ZNF410: variants seen among roughly 807,000 people sequenced by gnomAD.
ZNF410 encodes zinc finger protein 410.
ZNF410 carries 18 observed loss-of-function variants against 54.8 expected under a neutral mutation model. The observed-to-expected ratio is 0.33, with a 90% CI of 0.23 to 0.49. ZNF410 has a LOEUF of 0.49. Ranked by LOEUF, ZNF410 falls within the 20% of genes least tolerant of loss-of-function variation. The pLI is 0.99. For missense variants in ZNF410, 405 were observed against 569.6 expected (o/e 0.71, Z 2.94); for synonymous variants, 191 against 207.3 (o/e 0.92, Z 0.68).
chr14:73,926,807 T>C (rs572657392), intron 11 of ZNF410, among the ~76,000 whole-genome samples: 29 of 152,314 alleles, frequency 1.9e-4, no homozygotes, highest in Non-Finnish European at 3.7e-4. Context: ...TTTGTTAATA[T>C]TAATTTCTCT....
chr14:73,910,699 G>A (rs2055561949), intron 8 of ZNF410, among the ~76,000 whole-genome samples: 2 of 148,980 alleles, frequency 1.3e-5, no homozygotes, highest in Non-Finnish European at 3.0e-5. Flanking sequence ...GTTGCAATGA[G>A]CTGAGATTGC....
At chr14:73,910,822 ACTGCACTGC>A in intron 8 of ZNF410, among the ~76,000 whole-genome samples, 1 of 141,492 alleles carries the variant, frequency 7.1e-6, no homozygotes, top group African/African-American at 2.9e-5. Flanking sequence ...TGATTGCGCC[ACTGCACTGC>A]AGCCTGGGTG....
chr14:73,913,854 G>GT (rs1233918019), intron 8 of ZNF410: 1 of 152,104 alleles, frequency 6.6e-6, no homozygotes, highest in African/African-American at 2.4e-5. Context: ...GCCTCAAGTG[G>GT]TATTCCCACC....
In ZNF410 at chr14:73,924,178, G is replaced by C. The variant is rs114225473; in HGVS notation, c.1398+656G>C. On this transcript the variant is annotated intron_variant, in intron 11 of 11. Transcript: ENST00000555044. ...CTTTTTGGCACCAGGGACCGGTTTCGTTTCACCTCAGGTCATCAGGCATTA... is the reference window on the plus strand; with the variant it reads ...CTTTTTGGCACCAGGGACCGGTTTCCTTTCACCTCAGGTCATCAGGCATTA... Among the ~76,000 whole-genome samples, 669 of 152,180 alleles carry C rather than the reference G, an allele frequency of 4.4e-3. 6 individuals are homozygous for C. Among genetic ancestry groups the C allele is most frequent in the African/African-American group, 0.016 (651 of 41,508 alleles).
chr14:73,926,205 A>G (rs539494776), intron 11 of ZNF410, among the ~76,000 whole-genome samples: 4 of 152,270 alleles, frequency 2.6e-5, no homozygotes, highest in Admixed American at 2.6e-4. Flanking sequence ...AAACTATAAT[A>G]TCTTTACCAC....
Position 73,892,144 on chromosome 14 carries a change from C to G in ZNF410, c.-32C>G. 6.2e-7 allele frequency: 1 copy of G among 1,613,590 alleles called. No individual in the cohort carries two copies. On this transcript the variant is annotated 5_prime_UTR_variant, in exon 2 of 12. Transcript: ENST00000555044. ...TCTGAATTAAATTTGAACTTGTCCCCTGAATAGCTACAGGTTTTGGAAGCT... is the reference window on the plus strand; with the variant it reads ...TCTGAATTAAATTTGAACTTGTCCCGTGAATAGCTACAGGTTTTGGAAGCT...
At chr14:73,911,243 A>G (rs2055573299) in intron 8 of ZNF410, among the ~76,000 whole-genome samples, 1 of 152,182 alleles carries the variant, frequency 6.6e-6, no homozygotes, top group African/African-American at 2.4e-5. Context: ...ATCAGAGCAG[A>G]GGCTTGCTGA....
chr14:73,929,189 G>A (rs182548840), intron 11 of ZNF410, among the ~76,000 whole-genome samples: 8 of 151,678 alleles, frequency 5.3e-5, no homozygotes, highest in African/African-American at 1.7e-4. Context: ...TCTCCTCCTC[G>A]TATCACAGGC....
At chr14:73,892,288 CT>C in intron 2 of ZNF410, 80 bp downstream of exon 2, 1 of 1,438,838 alleles carries the variant, frequency 7.0e-7, no homozygotes, top group Admixed American at 2.2e-5. Context: ...GGTCAGCAAA[CT>C]TTTTCTTTAA....
intron 11 of ZNF410, among the ~76,000 whole-genome samples, chr14:73,930,687 TG>T (rs757818891): frequency 1.7e-4 from 26 of 150,730 alleles, no homozygotes; most frequent in Non-Finnish European, 3.3e-4. Context: ...ACTGCACCCT[TG>T]AACTCCTGGG....
chr14:73,906,292 CTG>C (rs894896318), intron 7 of ZNF410: 1 of 151,416 alleles, frequency 6.6e-6, no homozygotes, highest in African/African-American at 2.4e-5. Flanking sequence ...GCTTGAGCCA[CTG>C]TGCCCAGCCT....
In ZNF410 at chr14:73,893,788, TC is replaced by T. The variant is rs748490279; in HGVS notation, c.34-3del. 20 of 1,591,128 alleles carry T rather than the reference TC, an allele frequency of 1.3e-5. No individual in the cohort carries two copies. The highest frequency in any genetic ancestry group is 5.8e-5 in the South Asian group (5 of 86,566). On this transcript the variant is annotated splice_polypyrimidine_tract_variant and splice_region_variant and intron_variant, in intron 2 of 11. Transcript: ENST00000555044. The stretch of plus-strand genomic sequence containing the variant: ...TCGTATTTCTCAGTGTTGTCTTTTC[TC>T]CCCCCAGCTCCTGGTACAGTTTGTT...
At chr14:73,900,594 C>G (rs1393098386) in intron 5 of ZNF410, among the ~76,000 whole-genome samples, 1 of 152,068 alleles carries the variant, frequency 6.6e-6, no homozygotes, top group African/African-American at 2.4e-5. Context: ...TGGCTGGTCT[C>G]AAACTCCTGA....
chr14:73,924,573 C>A, intron 11 of ZNF410: 1 of 370,642 alleles, frequency 2.7e-6, no homozygotes, highest in Admixed American at 3.5e-5. Context: ...GACTTCATCA[C>A]GAGCACATTT....
At chr14:73,927,016 C>T (rs544098668) in intron 11 of ZNF410, 1 of 154,328 alleles carries the variant, frequency 6.5e-6, no homozygotes, top group Admixed American at 6.5e-5. Context: ...TGATCATAGC[C>T]TAGATCTATT....
At chr14:73,908,980 T>C (rs1056598372) in intron 7 of ZNF410, among the ~76,000 whole-genome samples, 4 of 152,134 alleles carry the variant, frequency 2.6e-5, no homozygotes, top group African/African-American at 9.7e-5. Flanking sequence ...AACTGAGTCA[T>C]AAAGAAAATT....
At chr14:73,930,795 C>T (rs974156026) in intron 11 of ZNF410, among the ~76,000 whole-genome samples, 1 of 152,100 alleles carries the variant, frequency 6.6e-6, no homozygotes, top group African/African-American at 2.4e-5. Context: ...GAGACAGGGC[C>T]TCACTGTGTT....
rs1174942649 is a variant in ZNF410 at position 73,905,098 on chromosome 14, A to G, written c.913+15A>G. ...CATCCACACAGGTGTGTGCAGCACC[A>G]ACATTCCTTTGGGCAGTCTGCTCCT... On this transcript the variant is annotated intron_variant, in intron 7 of 11. Transcript: ENST00000555044. The G allele has an allele frequency of 6.2e-7, 1 of 1,609,038 alleles. No individual in the cohort carries two copies. Among genetic ancestry groups the G allele is most frequent in the South Asian group, 1.1e-5 (1 of 90,580 alleles).
chr14:73,901,653 C>G (rs748372857), intron 5 of ZNF410, among the ~76,000 whole-genome samples: 4 of 150,398 alleles, frequency 2.7e-5, no homozygotes, highest in Non-Finnish European at 5.9e-5. Flanking sequence ...TTTTTTTGGC[C>G]GGTGCAGTGG....
Sources: allele counts gnomAD v4.1 joint callset (sites outside exome capture counted in the v4.1 genomes callset), GRCh38; gene constraint gnomAD v4.1.1; transcripts MANE v1.5; gene names NCBI Gene and HGNC (gene_info 2026-07-23, HGNC 2026-07-21).